The following CNTN6 variants were observed in gnomAD, a reference collection of about 807,000 sequenced individuals.
The protein encoded by CNTN6 is contactin 6.
In CNTN6, 137 loss-of-function variants were observed where a neutral mutation model predicts 122.8. The ratio of observed to expected loss-of-function variants is 1.12; its 90% CI spans 0.97 to 1.29. The LOEUF (loss-of-function observed/expected upper bound fraction) is 1.29, where lower values mean the gene tolerates loss of function less well. Ranked by LOEUF, CNTN6 falls within the 50% of genes most tolerant of loss-of-function variation. The pLI, the probability that CNTN6 is intolerant of heterozygous loss-of-function variation, is 0.00. For synonymous variants in CNTN6, 570 were observed against 426.0 expected, an observed-to-expected ratio of 1.34 and a Z score of -4.16; for missense variants, 1,634 against 1,223.4, an observed-to-expected ratio of 1.34 and a Z score of -5.01.
Position 1,373,950 on chromosome 3 carries a change from T to C in CNTN6, c.1972T>C (p.Tyr658His), listed in dbSNP as rs769596894. The C allele has an allele frequency of 3.7e-6, 6 of 1,612,586 alleles. No homozygotes were observed. Among genetic ancestry groups the C allele is most frequent in the African/African-American group, 1.3e-5 (1 of 74,852 alleles). Reference sequence around the variant, plus strand: ...TCCAGAAATTCTCAATGGTAAGACATACAATGCAACAGTGGTTGGTTTGAG... The same window carrying C: ...TCCAGAAATTCTCAATGGTAAGACACACAATGCAACAGTGGTTGGTTTGAG... ...TVPEILNGKT[Y>H]NATVVGLSPW... The change falls in exon 16 of 23, where the codon TAC becomes CAC. Residue 658 changes from tyrosine (Y) to histidine (H), a missense_variant. Tyr to His is a moderately conservative substitution (Grantham distance 83). Transcript: ENST00000446702.
intron 5 of CNTN6, among the ~76,000 whole-genome samples, chr3:1,288,006 G>C (rs951884702): frequency 2.0e-5 from 3 of 151,886 alleles, no homozygotes; most frequent in Non-Finnish European, 2.9e-5. Flanking sequence ...GTGTTGGCTC[G>C]GTCTTGAATC....
At chr3:1,292,075 T>G (rs1695422182) in intron 5 of CNTN6, among the ~76,000 whole-genome samples, 1 of 152,068 alleles carries the variant, frequency 6.6e-6, no homozygotes, top group South Asian at 2.1e-4. Context: ...CATACTCTGC[T>G]TGATCATGTC....
intron 3 of CNTN6, among the ~76,000 whole-genome samples, chr3:1,227,541 C>T (rs1364076731): frequency 6.6e-6 from 1 of 152,034 alleles, no homozygotes; most frequent in Non-Finnish European, 1.5e-5. Flanking sequence ...GACTGACTGT[C>T]TAATTTTTAT....
chr3:1,285,810 A>C (rs1694232167), intron 5 of CNTN6, among the ~76,000 whole-genome samples: 3 of 152,182 alleles, frequency 2.0e-5, no homozygotes, highest in Non-Finnish European at 4.4e-5. Flanking sequence ...AGAGACACTT[A>C]AAAGTTTTTA....
intron 2 of CNTN6, among the ~76,000 whole-genome samples, chr3:1,213,124 A>G (rs1463189244): frequency 6.6e-6 from 1 of 152,182 alleles, no homozygotes; most frequent in African/African-American, 2.4e-5. Flanking sequence ...GTATGTATAT[A>G]TTTTTTGAAA....
chr3:1,383,910 T>C (rs1323174904), intron 19 of CNTN6, among the ~76,000 whole-genome samples: 1 of 137,634 alleles, frequency 7.3e-6, no homozygotes, highest in South Asian at 2.3e-4. Context: ...GGTGTTGCCA[T>C]GGCAGTGGTA....
intron 11 of CNTN6, among the ~76,000 whole-genome samples, chr3:1,341,749 T>C (rs1007750237): frequency 6.6e-6 from 1 of 152,208 alleles, no homozygotes; most frequent in Admixed American, 6.5e-5. Flanking sequence ...TGATGCTTCC[T>C]TTCTGCTTTG....
intron 2 of CNTN6, among the ~76,000 whole-genome samples, chr3:1,158,761 T>C (rs1339405471): frequency 1.6e-5 from 2 of 123,968 alleles, no homozygotes; most frequent in African/African-American, 5.9e-5. Flanking sequence ...TATACATATA[T>C]ATACACACAT....
intron 20 of CNTN6, among the ~76,000 whole-genome samples, chr3:1,389,474 A>G (rs889996129): frequency 2.0e-5 from 3 of 152,154 alleles, no homozygotes; most frequent in Non-Finnish European, 4.4e-5. Context: ...AAATGTAAAG[A>G]CCATCAAGAC....
intron 2 of CNTN6, among the ~76,000 whole-genome samples, chr3:1,159,848 TC>T (rs2093082150): frequency 6.6e-6 from 1 of 152,006 alleles, no homozygotes; most frequent in Admixed American, 6.6e-5. Flanking sequence ...CAAGACAAAG[TC>T]TTGCTCTGTC....
chr3:1,395,697 G>T (rs948005416), intron 20 of CNTN6, among the ~76,000 whole-genome samples: 3 of 152,072 alleles, frequency 2.0e-5, no homozygotes, highest in African/African-American at 7.2e-5. Flanking sequence ...AAAGTAATGT[G>T]TCCACAGGTA....
chr3:1,323,509 G>C lies in CNTN6; in HGVS notation c.946+1675G>C, dbSNP rs1317567972. ...TTCACTTTCTGAAGTGCTTTCAAAA[G>C]AAAAGAGGATTACTGACTCAGTTAC... On this transcript the variant is annotated intron_variant, in intron 8 of 22. Coordinates refer to ENST00000446702, the MANE Select transcript of CNTN6 (RefSeq NM_001289080.2). 2.6e-5 allele frequency among the ~76,000 whole-genome samples: 4 copies of C among 151,780 alleles called. No homozygotes were observed. In the South Asian group the frequency reaches 6.2e-4, roughly 24 times the overall value.
intron 2 of CNTN6, among the ~76,000 whole-genome samples, chr3:1,189,384 T>C (rs1476092037): frequency 1.3e-5 from 2 of 152,192 alleles, no homozygotes; most frequent in African/African-American, 2.4e-5. Context: ...CAAAACATTA[T>C]ACATTGTACA....
At chr3:1,261,666 C>T (rs1378697134) in intron 4 of CNTN6, among the ~76,000 whole-genome samples, 1 of 152,090 alleles carries the variant, frequency 6.6e-6, no homozygotes, top group Non-Finnish European at 1.5e-5. Context: ...CAGGTAACTT[C>T]CTAAATGGGT....
intron 2 of CNTN6, among the ~76,000 whole-genome samples, chr3:1,209,432 T>C (rs1322510959): frequency 6.6e-5 from 10 of 152,304 alleles, no homozygotes; most frequent in Non-Finnish European, 7.4e-5. Flanking sequence ...TGGTGTTACC[T>C]AGAGTAAGAG....
At chr3:1,268,563 A>C (rs573635915) in intron 4 of CNTN6, among the ~76,000 whole-genome samples, 65,568 of 134,780 alleles carry the variant, frequency 0.49, 17,595 homozygotes, top group East Asian at 0.8. Context: ...GCCGAGATTG[A>C]GCCACTGCAC....
intron 1 of CNTN6, among the ~76,000 whole-genome samples, chr3:1,115,003 C>T (rs993964193): frequency 5.3e-5 from 8 of 152,124 alleles, no homozygotes; most frequent in African/African-American, 1.9e-4. Context: ...CCTTCTTTTT[C>T]TCTCAACCTA....
intron 3 of CNTN6, among the ~76,000 whole-genome samples, chr3:1,226,069 G>A (rs962205292): frequency 1.3e-5 from 2 of 152,074 alleles, no homozygotes; most frequent in African/African-American, 4.8e-5. Flanking sequence ...AGTAGAGGCG[G>A]GGTTTTGCCA....
intron 1 of CNTN6, among the ~76,000 whole-genome samples, chr3:1,103,910 T>C (rs749523421): frequency 2.0e-5 from 3 of 152,112 alleles, no homozygotes; most frequent in Non-Finnish European, 4.4e-5. Context: ...CATGAAACGG[T>C]CTTCAATTCG....
Sources: gnomAD v4.1 joint callset for allele counts (sites outside exome capture counted in the v4.1 genomes callset) on GRCh38, gnomAD v4.1.1 for gene constraint, MANE v1.5 for transcripts, NCBI Gene and HGNC (gene_info 2026-07-23, HGNC 2026-07-21) for gene names.